The following OSMR variants were observed in gnomAD, a reference collection of about 807,000 sequenced individuals.
The protein encoded by OSMR is oncostatin-M-specific receptor subunit beta.
OSMR carries 81 observed loss-of-function variants against 99.9 expected under a neutral mutation model. The observed-to-expected ratio is 0.81, with a 90% CI of 0.68 to 0.97. The LOEUF (loss-of-function observed/expected upper bound fraction) is 0.97, where lower values mean the gene tolerates loss of function less well. Among genes scored for constraint, OSMR ranks in the 50% least tolerant of loss-of-function variants. The pLI is 0.00. For synonymous variants in OSMR, 406 were observed against 410.4 expected, an observed-to-expected ratio of 0.99 and a Z score of 0.13; for missense variants, 1,099 against 1,153.4, an observed-to-expected ratio of 0.95 and a Z score of 0.68.
chr5:38,937,104 G>A (rs1411588486), downstream of OSMR, among the ~76,000 whole-genome samples: 1 of 152,152 alleles, frequency 6.6e-6, no homozygotes, highest in Admixed American at 6.5e-5. The surrounding 1 kb of genome is among the most constrained non-coding windows in gnomAD (Gnocchi z 4.0). Context: ...GCACGATCTT[G>A]GCTCACTGCA....
Position 38,888,144 on chromosome 5 carries a change from T to C in OSMR, c.991+1954T>C, listed in dbSNP as rs561928158. ...ATAGTGGCTGCTTATAAGAGGAAGCTGGAGGAGTTGGTTTCTGATTTGCAT... is the reference window on the plus strand; with the variant it reads ...ATAGTGGCTGCTTATAAGAGGAAGCCGGAGGAGTTGGTTTCTGATTTGCAT... On this transcript the variant is annotated intron_variant, in intron 7 of 17. Transcript: ENST00000274276. Among the ~76,000 whole-genome samples, 16 of 152,196 alleles carry C rather than the reference T, an allele frequency of 1.1e-4. No individual in the cohort carries two copies. In the South Asian group the frequency reaches 3.1e-3, roughly 30 times the overall value.
intron 1 of OSMR, among the ~76,000 whole-genome samples, chr5:38,852,718 A>ATATTTTT (rs1740493126): frequency 1.4e-5 from 1 of 70,660 alleles, no homozygotes; most frequent in Non-Finnish European, 2.6e-5. Context: ...TATTGTTTTC[A>ATATTTTT]TTTTTTTTTT....
chr5:38,940,540 G>A (rs1194258417), downstream of OSMR: 1 of 232,436 alleles, frequency 4.3e-6, no homozygotes, highest in Non-Finnish European at 8.5e-6. Context: ...CTTGGGTTCA[G>A]TGATAAAGTA....
At chr5:38,847,238 A>C (rs1469441391) in intron 1 of OSMR, among the ~76,000 whole-genome samples, 1 of 152,184 alleles carries the variant, frequency 6.6e-6, no homozygotes, top group Non-Finnish European at 1.5e-5. Context: ...ACTACTTATC[A>C]CCTCTTAGTT....
chr5:38,928,738 A>G (rs1030682403), intron 15 of OSMR, among the ~76,000 whole-genome samples: 8 of 152,094 alleles, frequency 5.3e-5, no homozygotes, highest in Non-Finnish European at 1.0e-4. Context: ...TGACTACTAC[A>G]CTGAAACATG....
chr5:38,862,396 T>C (rs569364592), intron 1 of OSMR, among the ~76,000 whole-genome samples: 143 of 12,310 alleles, frequency 0.012, no homozygotes, highest in South Asian at 0.058. Flanking sequence ...ACCTCCCGGA[T>C]GGGGCGGCTG....
chr5:38,891,398 A>G (rs1255662282), intron 7 of OSMR, among the ~76,000 whole-genome samples: 1 of 152,202 alleles, frequency 6.6e-6, no homozygotes, highest in East Asian at 1.9e-4. Context: ...CAGAGAGGAA[A>G]CAAAATGGTC....
intron 9 of OSMR, among the ~76,000 whole-genome samples, chr5:38,908,761 A>C (rs923995092): frequency 1.3e-5 from 2 of 152,186 alleles, no homozygotes; most frequent in African/African-American, 4.8e-5. Flanking sequence ...ACATAAAACA[A>C]AACAAAAACC....
At chr5:38,865,371 T>C (rs1452729233) in intron 1 of OSMR, among the ~76,000 whole-genome samples, 1 of 152,252 alleles carries the variant, frequency 6.6e-6, no homozygotes. Context: ...GTTTGTAATT[T>C]TATGGATTTG....
intron 1 of OSMR, among the ~76,000 whole-genome samples, chr5:38,867,046 C>A (rs1742004529): frequency 6.6e-6 from 1 of 152,172 alleles, no homozygotes; most frequent in Non-Finnish European, 1.5e-5. Flanking sequence ...TGATTATCTA[C>A]TTACTGTACT....
intron 1 of OSMR, among the ~76,000 whole-genome samples, chr5:38,851,704 C>G (rs959921518): frequency 6.6e-6 from 1 of 152,194 alleles, no homozygotes; most frequent in African/African-American, 2.4e-5. Context: ...TGTTTTGAAA[C>G]TGACTTATTC....
At chr5:38,858,444 T>C (rs1332935704) in intron 1 of OSMR, among the ~76,000 whole-genome samples, 1 of 152,206 alleles carries the variant, frequency 6.6e-6, no homozygotes, top group Non-Finnish European at 1.5e-5. Flanking sequence ...TGACAGGATT[T>C]CATTCCTTTT....
downstream of OSMR, chr5:38,940,330 G>GT (rs1747422372): frequency 4.3e-6 from 1 of 230,778 alleles, no homozygotes; most frequent in Non-Finnish European, 8.6e-6. Context: ...TATTAACTGA[G>GT]GTAGTGTTTA....
intron 2 of OSMR, among the ~76,000 whole-genome samples, chr5:38,872,032 G>A (rs982731707): frequency 2.6e-5 from 4 of 152,206 alleles, no homozygotes; most frequent in Non-Finnish European, 5.9e-5. Context: ...GAGCTGGACA[G>A]AGACCCAGGA....
intron 1 of OSMR, among the ~76,000 whole-genome samples, chr5:38,847,174 G>T (rs1456591102): frequency 6.6e-6 from 1 of 152,212 alleles, no homozygotes; most frequent in African/African-American, 2.4e-5. Flanking sequence ...GGAGGAGAAA[G>T]AAATTTTTAG....
intron 7 of OSMR, among the ~76,000 whole-genome samples, chr5:38,903,225 A>G (rs1193427485): frequency 6.6e-6 from 1 of 152,228 alleles, no homozygotes; most frequent in Non-Finnish European, 1.5e-5. Flanking sequence ...TTACCATCAG[A>G]CAGGCAGCAA....
At chr5:38,940,383 T>C (rs975545748), downstream of OSMR, 1 of 232,106 alleles carries the variant, frequency 4.3e-6, no homozygotes, top group African/African-American at 2.2e-5. Flanking sequence ...TGAATAAGAT[T>C]ACATTACTTC....
chr5:38,870,856 GGA>G (rs1184642486), intron 2 of OSMR, among the ~76,000 whole-genome samples: 1 of 152,110 alleles, frequency 6.6e-6, no homozygotes, highest in Non-Finnish European at 1.5e-5. Flanking sequence ...TCTCCAGGTG[GGA>G]GAGAGTTTCA....
rs1465312449 is a variant in OSMR at position 38,932,543 on chromosome 5, T to G, written c.2367+8T>G. On this transcript the variant is annotated splice_region_variant and intron_variant, in intron 17 of 17. Transcript: ENST00000274276. ...TCATTAATAAAATTCAAGGTAAATG[T>G]TGGCAAATTGTATGTATACCATATA... 5 of 1,610,628 alleles carry G rather than the reference T, an allele frequency of 3.1e-6. No individual in the cohort carries two copies. The African/African-American group carries it at 6.7e-5, about 22-fold the overall frequency.
Sources: gnomAD v4.1 joint callset for allele counts (sites outside exome capture counted in the v4.1 genomes callset) on GRCh38, gnomAD v4.1.1 for gene constraint, Gnocchi (gnomAD v3.1) non-coding constraint, MANE v1.5 for transcripts, NCBI Gene and HGNC (gene_info 2026-07-23, HGNC 2026-07-21) for gene names.